The following ANKS4B variants were observed in gnomAD, a reference collection of about 807,000 sequenced individuals.
ANKS4B encodes the protein ankyrin repeat and SAM domain-containing protein 4B.
Under a neutral mutation model 20.2 loss-of-function variants are expected in ANKS4B, and 21 were observed. The observed-to-expected ratio is 1.04, with a 90% confidence interval of 0.74 to 1.50. ANKS4B has a LOEUF of 1.50. Ranked by LOEUF, ANKS4B falls within the 40% of genes most tolerant of loss-of-function variation. The pLI is 0.00. For missense variants in ANKS4B, 473 were observed against 494.6 expected, an observed-to-expected ratio of 0.96 and a Z score of 0.41; for synonymous variants, 179 against 194.5, an observed-to-expected ratio of 0.92 and a Z score of 0.66.
intron 1 of ANKS4B, among the ~76,000 whole-genome samples, chr16:21,244,321 T>C (rs1174775422): frequency 8.5e-5 from 13 of 152,114 alleles, no homozygotes; most frequent in Admixed American, 2.6e-4. Context: ...CATGAAGGGC[T>C]TAAAACCTAG....
rs938970076 is a variant in ANKS4B, at chr16:21,253,022, C to CAAAAAAAAAAAAAA, written c.*2210_*2223dup. ...CCAGGCGGTAAGAGAGACTCCATCT[C>CAAAAAAAAAAAAAA]AAAAAAAAAAAAAAAAAAAAAGAAA... On this transcript the variant is annotated 3_prime_UTR_variant, in exon 2 of 2. Transcript: ENST00000311620. 1.5e-5 allele frequency: 1 copy of CAAAAAAAAAAAAAA among 65,772 alleles called. No homozygotes were observed. The highest frequency in any genetic ancestry group is 3.0e-5 in the Non-Finnish European group (1 of 33,290). The allele number at this position is 65,772 out of a possible 1,614,324, so 4.1% of individuals were successfully genotyped here.
At chr16:21,248,736 A>C (rs1245192483) in intron 1 of ANKS4B, among the ~76,000 whole-genome samples, 2 of 152,170 alleles carry the variant, frequency 1.3e-5, no homozygotes, top group African/African-American at 4.8e-5. Flanking sequence ...ATCTCAAAAA[A>C]AATTATATAA....
In ANKS4B at chr16:21,249,922, A is replaced by G; in HGVS notation, c.356A>G (p.Lys119Arg). The G allele has an allele frequency of 6.2e-7, 1 of 1,614,200 alleles. No individual in the cohort carries two copies. Among genetic ancestry groups the G allele is most frequent in the Non-Finnish European group, 8.5e-7 (1 of 1,180,032 alleles). The change falls in exon 2 of 2, where the codon AAG (lysine) becomes AGG (arginine). Residue 119 changes from lysine to arginine, a missense_variant. Coordinates refer to ENST00000311620, the MANE Select transcript of ANKS4B (RefSeq NM_145865.3). ...EQNECVALLD[K>R]AATAQNIMNP... is the part of the protein sequence containing the mutation. Reference sequence around the variant, plus strand: ...AATGAATGTGTTGCTCTCCTGGACAAGGCTGCCACTGCACAGAACATCATG... The same window carrying G: ...AATGAATGTGTTGCTCTCCTGGACAGGGCTGCCACTGCACAGAACATCATG...
In ANKS4B at chr16:21,251,231, AGTAGC is replaced by A; in HGVS notation, c.*412_*416del. 3 of 163,178 alleles carry A rather than the reference AGTAGC, an allele frequency of 1.8e-5. No homozygotes were observed. The highest frequency in any genetic ancestry group is 5.7e-5 in the Admixed American group (1 of 17,694). 10.1% of individuals were successfully genotyped at this position (163,178 alleles called of 1,614,324 possible). A position where few individuals can be genotyped will look rare whatever the true frequency, so the allele number is the denominator to read the frequency against. ...GATCTCCTCCCACCTCAGCCTCCCA[AGTAGC>A]TGAGACTACAGGTTCACACCCCCCA... On this transcript the variant is annotated 3_prime_UTR_variant, in exon 2 of 2. Transcript: ENST00000311620.
Position 21,250,118 on chromosome 16 carries a change from C to T in ANKS4B, c.552C>T (p.Ser184=), listed in dbSNP as rs1307674904. The T allele has an allele frequency of 1.2e-6, 2 of 1,614,194 alleles. No homozygotes were observed. ...CCAAGGGTACCTTCTCCAGATCATC[C>T]CCTTCAAATGCTTCTGCTCCTGGCA... The part of the protein sequence containing the change: ...SSSKGTFSRS[S]PSNASAPGTF... The change falls in exon 2 of 2, where the codon TCC becomes TCT. Residue 184 remains serine, a synonymous_variant. Transcript: ENST00000311620.
chr16:21,248,193 TA>T (rs879408187), intron 1 of ANKS4B, among the ~76,000 whole-genome samples: 7 of 151,650 alleles, frequency 4.6e-5, no homozygotes, highest in Non-Finnish European at 1.0e-4. Flanking sequence ...ATTTTTATTT[TA>T]AAAAAAAATT....
In ANKS4B at chr16:21,251,708, A is replaced by G. The variant is rs907350973; in HGVS notation, c.*888A>G. 9.2e-5 allele frequency: 14 copies of G among 152,192 alleles called. No individual in the cohort carries two copies. Among genetic ancestry groups the G allele is most frequent in the African/African-American group, 3.4e-4 (14 of 41,512 alleles). The allele number at this position is 152,192 out of a possible 1,614,324, so 9.4% of individuals were successfully genotyped here. A position where few individuals can be genotyped will look rare whatever the true frequency, so the allele number is the denominator to read the frequency against. ...CAAGTAATGGAAATGCGTCTATAAT[A>G]CTCCTGCCTGAGAATAGAGACAGAG... On this transcript the variant is annotated 3_prime_UTR_variant, in exon 2 of 2. Coordinates refer to ENST00000311620, the MANE Select transcript of ANKS4B (RefSeq NM_145865.3).
intron 1 of ANKS4B, among the ~76,000 whole-genome samples, chr16:21,237,124 A>G (rs149853271): frequency 6.6e-6 from 1 of 152,148 alleles, no homozygotes; most frequent in East Asian, 1.9e-4. Context: ...GGGTTTGAGC[A>G]ATTTTCCTGC....
intron 1 of ANKS4B, among the ~76,000 whole-genome samples, chr16:21,237,979 T>C (rs2093322223): frequency 6.6e-6 from 1 of 152,128 alleles, no homozygotes; most frequent in Non-Finnish European, 1.5e-5. Context: ...CTGGCCAACA[T>C]GGTGAAACCC....
In ANKS4B at chr16:21,250,300, A is replaced by T. The variant is rs771545401; in HGVS notation, c.734A>T (p.Asp245Val). 6 of 1,614,150 alleles carry T rather than the reference A, an allele frequency of 3.7e-6. No homozygotes were observed. In the South Asian group the frequency reaches 5.5e-5, roughly 15 times the overall value. ...REEEEDSFSG[D>V]FKEKLQLSAE... ...GAAGAGGAAGACTCGTTCTCAGGGG[A>T]CTTCAAAGAGAAGCTCCAGTTGTCA... Residue 245 changes from aspartate to valine, a missense_variant, in exon 2 of 2, where the codon GAC (aspartate) becomes GTC (valine). Asp to Val is a radical substitution (Grantham distance 152). Transcript: ENST00000311620.
chr16:21,239,753 T>G lies in ANKS4B; in HGVS notation c.164+5852T>G, dbSNP rs181114982. 2.6e-5 allele frequency among the ~76,000 whole-genome samples: 4 copies of G among 152,286 alleles called. No individual in the cohort carries two copies. The East Asian group carries it at 7.7e-4, about 29-fold the overall frequency. On this transcript the variant is annotated intron_variant, in intron 1 of 1. Coordinates refer to ENST00000311620, the MANE Select transcript of ANKS4B (RefSeq NM_145865.3). ...TCGAAAAAGAATGAGATCACATATTTTGTGGGAACATGGGTGGAGATGGAG... is the reference window on the plus strand; with the variant it reads ...TCGAAAAAGAATGAGATCACATATTGTGTGGGAACATGGGTGGAGATGGAG...
At chr16:21,248,611 T>G (rs2093335159) in intron 1 of ANKS4B, among the ~76,000 whole-genome samples, 1 of 151,888 alleles carries the variant, frequency 6.6e-6, no homozygotes, top group Non-Finnish European at 1.5e-5. Context: ...GTGCCTGCAG[T>G]CCCAGCTACT....
At chr16:21,235,376 G>C (rs1206432336) in intron 1 of ANKS4B, among the ~76,000 whole-genome samples, 1 of 152,108 alleles carries the variant, frequency 6.6e-6, no homozygotes, top group Non-Finnish European at 1.5e-5. Flanking sequence ...AGTAGGAGTG[G>C]GGTCAGGACA....
intron 1 of ANKS4B, among the ~76,000 whole-genome samples, chr16:21,247,119 G>A (rs2093333303): frequency 6.6e-6 from 1 of 151,262 alleles, no homozygotes; most frequent in Admixed American, 6.6e-5. Context: ...AGGCTGGAGT[G>A]CAGTGGTGTG....
rs374844720 is a variant in ANKS4B, at chr16:21,239,881, T to C, written c.164+5980T>C. 3.9e-5 allele frequency among the ~76,000 whole-genome samples: 6 copies of C among 152,310 alleles called. No homozygotes were observed. The South Asian group carries it at 8.3e-4, about 21-fold the overall frequency. On this transcript the variant is annotated intron_variant, in intron 1 of 1. Coordinates refer to ENST00000311620, the MANE Select transcript of ANKS4B (RefSeq NM_145865.3). The stretch of plus-strand genomic sequence containing the variant: ...GATGAGAACATGTTGGCTTAGTGCC[T>C]GGGTGACAAAATTATCTACAACAAA...
At chr16:21,236,458 A>G (rs933050576) in intron 1 of ANKS4B, among the ~76,000 whole-genome samples, 14 of 152,222 alleles carry the variant, frequency 9.2e-5, no homozygotes, top group Non-Finnish European at 1.9e-4. Flanking sequence ...TCTTCTCAGC[A>G]GAGAGCTCTT....
intron 1 of ANKS4B, among the ~76,000 whole-genome samples, chr16:21,249,301 T>G (rs2093335824): frequency 6.6e-6 from 1 of 152,192 alleles, no homozygotes; most frequent in Non-Finnish European, 1.5e-5. Context: ...CTGGGCAACA[T>G]GGTGAAACCC....
chr16:21,250,129 C>T lies in ANKS4B; in HGVS notation c.563C>T (p.Ala188Val), dbSNP rs769136648. The T allele has an allele frequency of 2.5e-6, 4 of 1,614,090 alleles. No individual in the cohort carries two copies. In the South Asian group the frequency reaches 4.4e-5, roughly 18 times the overall value. ...TTCTCCAGATCATCCCCTTCAAATG[C>T]TTCTGCTCCTGGCACATTCGGGTCA... ...GTFSRSSPSN[A>V]SAPGTFGSLS... The change falls in exon 2 of 2, where the codon GCT becomes GTT. Residue 188 changes from alanine to valine, a missense_variant. Ala to Val is a moderately conservative substitution (Grantham distance 64). Coordinates refer to ENST00000311620, the MANE Select transcript of ANKS4B (RefSeq NM_145865.3).
intron 1 of ANKS4B, among the ~76,000 whole-genome samples, chr16:21,240,895 A>T (rs960844501): frequency 6.6e-6 from 1 of 151,616 alleles, no homozygotes; most frequent in African/African-American, 2.4e-5. Flanking sequence ...GGTTTGAGTG[A>T]TTCTCCTGCC....
Sources: allele counts gnomAD v4.1 joint callset (sites outside exome capture counted in the v4.1 genomes callset), GRCh38; gene constraint gnomAD v4.1.1; transcripts MANE v1.5; gene names NCBI Gene and HGNC (gene_info 2026-07-23, HGNC 2026-07-21).